C22orf15: variants seen among roughly 807,000 people sequenced by gnomAD.
C22orf15 encodes the protein chromosome 22 open reading frame 15, also known as uncharacterized protein C22orf15.
A neutral mutation model predicts 20.3 loss-of-function variants in C22orf15; 21 were observed. The ratio of observed to expected loss-of-function variants is 1.04; its 90% CI spans 0.74 to 1.49. The LOEUF is 1.49. C22orf15 is among the 40% of genes most tolerant of loss of function. The pLI, the probability that C22orf15 is intolerant of heterozygous loss-of-function variation, is 0.00. For synonymous variants in C22orf15, 78 were observed against 75.4 expected (o/e 1.03, Z -0.18); for missense variants, 170 against 191.1 (o/e 0.89, Z 0.65).
At chr22:23,763,411 G>A in intron 1 of C22orf15, 80 bp downstream of exon 1, 5 of 1,463,166 alleles carry the variant, frequency 3.4e-6, no homozygotes, top group Non-Finnish European at 4.6e-6. Flanking sequence ...CCCTTGCGGT[G>A]GGTGGGGAGG....
intron 5 of C22orf15, chr22:23,765,122 G>A (rs944746515): frequency 2.0e-5 from 28 of 1,434,762 alleles, no homozygotes; most frequent in East Asian, 1.8e-4. Flanking sequence ...GAGTGCCAGC[G>A]CACTAAGGGC....
intron 5 of C22orf15, 73 bp from the exon 6 acceptor site, chr22:23,765,648 C>T (rs3204967): frequency 1.3e-6 from 2 of 1,517,416 alleles, no homozygotes; most frequent in African/African-American, 1.4e-5. Flanking sequence ...CCACCTCACT[C>T]TGGACTGCCC....
In C22orf15 at chr22:23,764,408, C is replaced by G; in HGVS notation, c.250+11C>G. 1 of 1,571,706 alleles carries G rather than the reference C, an allele frequency of 6.4e-7. No individual in the cohort carries two copies. The highest frequency in any genetic ancestry group is 8.6e-7 in the Non-Finnish European group (1 of 1,158,534). ...TCGTTCGGATCATCAGTAAGGTGGC[C>G]CAAGGTTCTCTCCCCTGCAGCTATG... On this transcript the variant is annotated intron_variant, in intron 3 of 5. Coordinates refer to ENST00000402217, the MANE Select transcript of C22orf15 (RefSeq NM_182520.3).
chr22:23,763,371 TGAGCACACTCA>T, intron 1 of C22orf15, 40 bp downstream of exon 1: 1 of 1,536,684 alleles, frequency 6.5e-7, no homozygotes, highest in Non-Finnish European at 8.8e-7. Context: ...GATAGGGGGA[TGAGCACACTCA>T]GAGGCGTGCT....
At chr22:23,763,445 G>T in intron 1 of C22orf15, 114 bp downstream of exon 1, 1 of 1,120,470 alleles carries the variant, frequency 8.9e-7, no homozygotes, top group Non-Finnish European at 1.2e-6. Flanking sequence ...GGGGGGTGGT[G>T]CACATGGCGG....
At chr22:23,763,800 G>A (rs1926121487) in intron 1 of C22orf15, among the ~76,000 whole-genome samples, 2 of 152,234 alleles carry the variant, frequency 1.3e-5, no homozygotes, top group Non-Finnish European at 2.9e-5. Context: ...GGCGGGTCCC[G>A]GGAGGAGGCT....
rs1260269419 is a variant in C22orf15 at position 23,764,154 on chromosome 22, A to G, written c.93A>G (p.Lys31=). ...LVNLTAHLRQ[K]AGLPPDATIA... is the part of the protein sequence containing the mutation. ...ACCTCACCGCCCACCTGAGGCAGAA[A>G]GCAGGGTTGCCCCCAGATGGTGAGG... The change falls in exon 2 of 6, where the codon AAA becomes AAG. Residue 31 remains lysine (K), a synonymous_variant. Coordinates refer to ENST00000402217, the MANE Select transcript of C22orf15 (RefSeq NM_182520.3). The G allele has an allele frequency of 9.0e-6, 14 of 1,551,702 alleles. No individual in the cohort carries two copies. Among genetic ancestry groups the G allele is most frequent in the Non-Finnish European group, 1.2e-5 (14 of 1,146,986 alleles).
At chr22:23,763,748 G>A (rs906072089) in intron 1 of C22orf15, among the ~76,000 whole-genome samples, 7 of 152,202 alleles carry the variant, frequency 4.6e-5, no homozygotes, top group Non-Finnish European at 8.8e-5. Flanking sequence ...GAAGAGAGGA[G>A]CCGGTGGGTG....
intron 5 of C22orf15, 86 bp downstream of exon 5, chr22:23,764,988 G>C: frequency 1.3e-6 from 2 of 1,522,794 alleles, no homozygotes; most frequent in African/African-American, 2.8e-5. Context: ...GACACCCAGA[G>C]TGGGATCCCT....
At chr22:23,765,231 G>T (rs1926573667) in intron 5 of C22orf15, 5 of 1,462,842 alleles carry the variant, frequency 3.4e-6, no homozygotes, top group African/African-American at 1.4e-5. Flanking sequence ...GCGGCAGCAT[G>T]GTGTGTGATG....
chr22:23,763,526 C>T (rs1262772761), intron 1 of C22orf15, among the ~76,000 whole-genome samples, 195 bp downstream of exon 1: 1 of 152,242 alleles, frequency 6.6e-6, no homozygotes, highest in Non-Finnish European at 1.5e-5. Context: ...AAGGGAAAAC[C>T]CGAGCTGAGT....
intron 5 of C22orf15, 147 bp downstream of exon 5, chr22:23,765,049 C>T (rs1175121018): frequency 1.4e-5 from 21 of 1,483,658 alleles, no homozygotes; most frequent in Non-Finnish European, 1.7e-5. Flanking sequence ...ACACCAACTC[C>T]ACGCACATAT....
chr22:23,765,625 G>A lies in C22orf15; in HGVS notation c.436-96G>A, dbSNP rs1449201964. ...AGAGTCAGATGCCCTTGGGATCACC[G>A]ACTAATGCCTCTCCACCTCACTCTG... On this transcript the variant is annotated intron_variant, in intron 5 of 5. Coordinates refer to ENST00000402217, the MANE Select transcript of C22orf15 (RefSeq NM_182520.3). The A allele has an allele frequency of 5.7e-5, 86 of 1,511,586 alleles. No homozygotes were observed. In the East Asian group the frequency reaches 1.9e-3, roughly 33 times the overall value. 93.6% of individuals were successfully genotyped at this position (1,511,586 alleles called of 1,614,324 possible).
chr22:23,763,429 G>A (rs951462090), intron 1 of C22orf15, 98 bp downstream of exon 1: 16 of 1,348,020 alleles, frequency 1.2e-5, no homozygotes, highest in Non-Finnish European at 1.5e-5. Flanking sequence ...AGGCAATGGC[G>A]GGAAAGGGGG....
intron 3 of C22orf15, 103 bp downstream of exon 3, chr22:23,764,500 G>A (rs753727920): frequency 1.2e-5 from 19 of 1,578,018 alleles, no homozygotes; most frequent in Admixed American, 1.2e-4. Flanking sequence ...CTCCCACCTC[G>A]GCTGGGGACC....
chr22:23,764,646 G>A lies in C22orf15; in HGVS notation c.258G>A (p.Glu86=). Residue 86 remains glutamate (E), a synonymous_variant, in exon 4 of 6, where the codon GAG becomes GAA. Transcript: ENST00000402217. ...IYVLVRIIKG[E]DMASTRYESL... ...TCTCTCCACATGTCACAGAGGGAGAGGACATGGCCTCCACCCGCTATGAGT... is the reference window on the plus strand; with the variant it reads ...TCTCTCCACATGTCACAGAGGGAGAAGACATGGCCTCCACCCGCTATGAGT... The A allele has an allele frequency of 6.2e-7, 1 of 1,614,112 alleles. No homozygotes were observed. Among genetic ancestry groups the A allele is most frequent in the Non-Finnish European group, 8.5e-7 (1 of 1,179,964 alleles).
At chr22:23,764,226 C>A in intron 2 of C22orf15, 34 bp from the exon 3 acceptor site, 4 of 1,551,554 alleles carry the variant, frequency 2.6e-6, no homozygotes, top group Non-Finnish European at 3.5e-6. Flanking sequence ...GCAGGGGTGC[C>A]AGCCCTGCCC....
In C22orf15 at chr22:23,764,725, G is replaced by C. The variant is rs764038416; in HGVS notation, c.325+12G>C. ...CCCAGAGCTGGCAGGTGAGTGTCAG[G>C]GTACAGCCCAGGGGGAGGGCACACC... On this transcript the variant is annotated intron_variant, in intron 4 of 5. Coordinates refer to ENST00000402217, the MANE Select transcript of C22orf15 (RefSeq NM_182520.3). 6.2e-6 allele frequency: 10 copies of C among 1,614,176 alleles called. No homozygotes were observed. Among genetic ancestry groups the C allele is most frequent in the Non-Finnish European group, 8.5e-6 (10 of 1,180,020 alleles).
rs907429182 is a variant in C22orf15 at position 23,763,172 on chromosome 22, C to G, written c.-135C>G. On this transcript the variant is annotated 5_prime_UTR_variant, in exon 1 of 6. Coordinates refer to ENST00000402217, the MANE Select transcript of C22orf15 (RefSeq NM_182520.3). Reference sequence around the variant, plus strand: ...CAGGGGCCTGGCCCTGGGACCCAGCCATCCACACTCACACATCCACTTCTC... The same window carrying G: ...CAGGGGCCTGGCCCTGGGACCCAGCGATCCACACTCACACATCCACTTCTC... 4 of 1,234,140 alleles carry G rather than the reference C, an allele frequency of 3.2e-6. No individual in the cohort carries two copies. The highest frequency in any genetic ancestry group is 3.1e-5 in the African/African-American group (2 of 65,524). 76.4% of individuals were successfully genotyped at this position (1,234,140 alleles called of 1,614,324 possible). A position where few individuals can be genotyped will look rare whatever the true frequency, so the allele number is the denominator to read the frequency against.
Sources: gnomAD v4.1 joint callset for allele counts (sites outside exome capture counted in the v4.1 genomes callset) on GRCh38, gnomAD v4.1.1 for gene constraint, MANE v1.5 for transcripts, NCBI Gene and HGNC (gene_info 2026-07-23, HGNC 2026-07-21) for gene names.